SPTBN1: variants seen among roughly 807,000 people sequenced by gnomAD.
The protein encoded by SPTBN1 is spectrin beta chain, non-erythrocytic 1.
A neutral mutation model predicts 266.4 loss-of-function variants in SPTBN1; 32 were observed. The observed-to-expected ratio is 0.12, with a 90% CI of 0.09 to 0.16. The LOEUF is 0.16. Among genes scored for constraint, SPTBN1 ranks in the 10% least tolerant of loss-of-function variants. The pLI, the probability that SPTBN1 is intolerant of heterozygous loss-of-function variation, is 1.00. For missense variants in SPTBN1, 2,296 were observed against 3,067.1 expected (o/e 0.75, Z 5.94); for synonymous variants, 1,336 against 1,162.2 (o/e 1.15, Z -3.04).
At chr2:54,595,724 G>T (rs1312018381) in intron 2 of SPTBN1, among the ~76,000 whole-genome samples, 2 of 152,204 alleles carry the variant, frequency 1.3e-5, no homozygotes, top group Admixed American at 6.5e-5. Context: ...TGCTCTCTGG[G>T]GAGTGTCTTC....
chr2:54,607,863 C>T (rs951258464), intron 3 of SPTBN1, among the ~76,000 whole-genome samples: 1 of 152,148 alleles, frequency 6.6e-6, no homozygotes, highest in Non-Finnish European at 1.5e-5. Flanking sequence ...TCTGTTTTTA[C>T]TTGTCCTTTT....
intron 2 of SPTBN1, among the ~76,000 whole-genome samples, chr2:54,582,563 C>CAAA (rs1208471911): frequency 3.9e-5 from 3 of 76,474 alleles, no homozygotes; most frequent in African/African-American, 1.3e-4. Flanking sequence ...GACTCCGTCT[C>CAAA]AAAAAAAAAA....
intron 1 of SPTBN1, among the ~76,000 whole-genome samples, chr2:54,515,484 A>AT (rs1457375924): frequency 6.6e-6 from 1 of 151,678 alleles, no homozygotes; most frequent in Admixed American, 6.6e-5. Flanking sequence ...GTTTTTCATC[A>AT]TTTTTTTCAT....
intron 1 of SPTBN1, among the ~76,000 whole-genome samples, chr2:54,464,081 T>A (rs1312794212): frequency 6.6e-6 from 1 of 152,196 alleles, no homozygotes; most frequent in African/African-American, 2.4e-5. Context: ...CATCACCTGT[T>A]GAGAGCATAT....
At position 54,646,080 on chromosome 2, in the gene SPTBN1, G is replaced by C; in HGVS notation, c.4584+63G>C. 6.2e-7 allele frequency: 1 copy of C among 1,611,502 alleles called. No individual in the cohort carries two copies. Among genetic ancestry groups the C allele is most frequent in the Non-Finnish European group, 8.5e-7 (1 of 1,178,146 alleles). On this transcript the variant is annotated intron_variant, in intron 22 of 35. Transcript: ENST00000356805. This position sits in a 1 kb window ranked among gnomAD's most constrained non-coding sequence, Gnocchi z 4.4. ...TAATTGCTCTAAATTATGAGACTGG[G>C]AATGGCAGAGAGCTTTGAAGCCTTG... is the stretch of plus-strand genomic sequence containing the variant.
intron 11 of SPTBN1, 43 bp downstream of exon 11, chr2:54,625,005 T>A: frequency 6.5e-7 from 1 of 1,531,874 alleles, no homozygotes; most frequent in Non-Finnish European, 8.8e-7. Context: ...GCTAGGGTAA[T>A]CTAGAAACAC....
intron 4 of SPTBN1, among the ~76,000 whole-genome samples, chr2:54,614,285 A>T (rs748887599): frequency 1.9e-4 from 29 of 152,168 alleles, no homozygotes; most frequent in Non-Finnish European, 3.8e-4. Flanking sequence ...TACTCCACAT[A>T]TCCTTGTAGA....
At position 54,628,385 on chromosome 2, in the gene SPTBN1, G is replaced by T; in HGVS notation, c.1798+135G>T. 1 of 1,139,080 alleles carries T rather than the reference G, an allele frequency of 8.8e-7. No individual in the cohort carries two copies. 70.6% of individuals were successfully genotyped at this position (1,139,080 alleles called of 1,614,324 possible). A position where few individuals can be genotyped will look rare whatever the true frequency, so the allele number is the denominator to read the frequency against. ...TTGTCATGGGAGCATGAAATACGGT[G>T]GAGTGGCCTTCTGAACACTAACTCC... On this transcript the variant is annotated intron_variant, in intron 13 of 35. Coordinates refer to ENST00000356805, the MANE Select transcript of SPTBN1 (RefSeq NM_003128.3). This position sits in a 1 kb window ranked among gnomAD's most constrained non-coding sequence, Gnocchi z 4.3.
chr2:54,650,138 C>A, intron 26 of SPTBN1, 149 bp downstream of exon 26: 1 of 1,043,768 alleles, frequency 9.6e-7, no homozygotes, highest in Non-Finnish European at 1.4e-6. Context: ...AATAGTGCTC[C>A]ATTTGGGAGA....
chr2:54,542,553 G>A (rs187172952), intron 2 of SPTBN1, among the ~76,000 whole-genome samples: 4 of 152,210 alleles, frequency 2.6e-5, no homozygotes, highest in African/African-American at 9.6e-5. Context: ...TCCCCAGGGG[G>A]CTCAAGGCCA....
chr2:54,651,904 A>G (rs1378690086), intron 26 of SPTBN1, among the ~76,000 whole-genome samples: 1 of 152,160 alleles, frequency 6.6e-6, no homozygotes, highest in Non-Finnish European at 1.5e-5. Context: ...TCTTTTGCAG[A>G]AACTGCTTTT....
chr2:54,465,808 G>A (rs1186158936), intron 1 of SPTBN1, among the ~76,000 whole-genome samples: 3 of 151,890 alleles, frequency 2.0e-5, no homozygotes, highest in Admixed American at 6.6e-5. Flanking sequence ...GAGTCAAGTT[G>A]TCCTTAGCCA....
intron 2 of SPTBN1, among the ~76,000 whole-genome samples, chr2:54,538,886 C>G (rs1671771290): frequency 6.6e-6 from 1 of 152,180 alleles, no homozygotes; most frequent in Admixed American, 6.5e-5. Flanking sequence ...TTTGCGGGTT[C>G]TCAGCCCTTC....
intron 1 of SPTBN1, among the ~76,000 whole-genome samples, chr2:54,457,774 A>T (rs1039923887): frequency 6.6e-5 from 10 of 152,166 alleles, no homozygotes; most frequent in African/African-American, 2.4e-4. Context: ...CTTCTGCTGG[A>T]TGTGGCGTCA....
chr2:54,527,455 G>A (rs1670887589), intron 2 of SPTBN1: 1 of 152,152 alleles, frequency 6.6e-6, no homozygotes, highest in Non-Finnish European at 1.5e-5. Context: ...TGATTATGAA[G>A]CATGCATCAT....
At chr2:54,517,345 A>G (rs557167072) in intron 1 of SPTBN1, among the ~76,000 whole-genome samples, 1 of 151,626 alleles carries the variant, frequency 6.6e-6, no homozygotes, top group African/African-American at 2.4e-5. Flanking sequence ...TCATATGTTA[A>G]TAGAGATACA....
chr2:54,602,499 A>G (rs1458777858), intron 3 of SPTBN1, among the ~76,000 whole-genome samples: 2 of 152,194 alleles, frequency 1.3e-5, no homozygotes, highest in Non-Finnish European at 2.9e-5. Context: ...TCTGCAGTGA[A>G]GATTGATTCT....
chr2:54,520,890 G>C (rs1409300515), intron 1 of SPTBN1, among the ~76,000 whole-genome samples: 1 of 152,086 alleles, frequency 6.6e-6, no homozygotes, highest in Non-Finnish European at 1.5e-5. Context: ...TCTCTTCAAG[G>C]GGAGATTCCC....
At chr2:54,655,856 A>T (rs912583810) in intron 28 of SPTBN1, 58 bp from the exon 29 acceptor site, 10 of 1,353,412 alleles carry the variant, frequency 7.4e-6, no homozygotes, top group African/African-American at 1.5e-5. Context: ...AAATGACCCC[A>T]TCAAGAGGAT....
Sources: allele counts gnomAD v4.1 joint callset (sites outside exome capture counted in the v4.1 genomes callset), GRCh38; gene constraint gnomAD v4.1.1; non-coding constraint Gnocchi (gnomAD v3.1); transcripts MANE v1.5; gene names NCBI Gene and HGNC (gene_info 2026-07-23, HGNC 2026-07-21).